Variants in HDGFL3 observed in about 807,000 individuals in gnomAD.
The protein encoded by HDGFL3 is HDGF like 3.
In HDGFL3, 6 loss-of-function variants were observed where a neutral mutation model predicts 27.6. The observed-to-expected ratio is 0.22, with a 90% CI of 0.12 to 0.43. The LOEUF is 0.43. Among genes scored for constraint, HDGFL3 ranks in the 20% least tolerant of loss-of-function variants. HDGFL3 has a pLI of 1.00. For missense variants in HDGFL3, 207 were observed against 250.1 expected (o/e 0.83, Z 1.16); for synonymous variants, 88 against 88.9 (o/e 0.99, Z 0.05).
chr15:83,112,940 T>C, exon 4 of HDGFL3: 1 of 1,462,846 alleles, frequency 6.8e-7, no homozygotes. Context: ...ATCTGATTAA[T>C]AACACAATAC....
At position 83,151,308 on chromosome 15, in the gene HDGFL3, G is replaced by A; in HGVS notation, c.513C>T (p.Cys171=). ...AGCTGCTTTTGTTTTCCTCTTCTTT[G>A]CAGTCTTTGTCATCTTCATCTCCTG... ...KSPGDEDDKD[C]KEEENKSSSE... is the part of the protein sequence containing the mutation. The change falls in exon 5 of 6, where the codon TGC becomes TGT. Residue 171 remains cysteine, a synonymous_variant. Coordinates refer to ENST00000299633, the MANE Select transcript of HDGFL3 (RefSeq NM_016073.4). The A allele has an allele frequency of 6.2e-7, 1 of 1,613,052 alleles. No individual in the cohort carries two copies. The highest frequency in any genetic ancestry group is 8.5e-7 in the Non-Finnish European group (1 of 1,179,408).
chr15:83,153,081 G>A (rs2036983498), intron 4 of HDGFL3, among the ~76,000 whole-genome samples: 1 of 145,540 alleles, frequency 6.9e-6, no homozygotes, highest in South Asian at 2.2e-4. Flanking sequence ...TGCAAGCTCC[G>A]CCTCCTGGGT....
intron 1 of HDGFL3, among the ~76,000 whole-genome samples, chr15:83,171,188 A>C (rs1006938525): frequency 6.5e-5 from 9 of 138,180 alleles, no homozygotes; most frequent in African/African-American, 1.0e-4. Flanking sequence ...TCCTACTGCT[A>C]TCCCTCCCCC....
chr15:83,198,231 G>T (rs935818325), intron 1 of HDGFL3, among the ~76,000 whole-genome samples: 1 of 151,978 alleles, frequency 6.6e-6, no homozygotes, highest in African/African-American at 2.4e-5. Context: ...TTTAATTTAT[G>T]TTCGTGTGAC....
Position 83,128,032 on chromosome 15 carries a change from C to T in HDGFL3, c.*11238G>A, listed in dbSNP as rs1180311473. 2 of 152,276 alleles carry T rather than the reference C, an allele frequency of 1.3e-5. No homozygotes were observed. Among genetic ancestry groups the T allele is most frequent in the Non-Finnish European group, 2.9e-5 (2 of 68,104 alleles). The allele number at this position is 152,276 out of a possible 1,614,324, so 9.4% of individuals were successfully genotyped here. A position where few individuals can be genotyped will look rare whatever the true frequency, so the allele number is the denominator to read the frequency against. On this transcript the variant is annotated 3_prime_UTR_variant, in exon 6 of 6. Coordinates refer to ENST00000299633, the MANE Select transcript of HDGFL3 (RefSeq NM_016073.4). ...TGAAAATGAAATTATCTATGGAGAA[C>T]TTCACACATAACATAAAGCACATTT...
At chr15:83,201,773 G>A (rs752508641) in intron 1 of HDGFL3, among the ~76,000 whole-genome samples, 50 of 152,130 alleles carry the variant, frequency 3.3e-4, no homozygotes, top group Non-Finnish European at 6.0e-4. Flanking sequence ...TGGTTGAAAC[G>A]GGAGCATCGG....
intron 1 of HDGFL3, among the ~76,000 whole-genome samples, chr15:83,200,380 G>C (rs1166108601): frequency 6.6e-6 from 1 of 151,584 alleles, no homozygotes; most frequent in African/African-American, 2.4e-5. Flanking sequence ...ATCACACTCA[G>C]AAATCAAGAT....
intron 1 of HDGFL3, among the ~76,000 whole-genome samples, chr15:83,195,835 TAAAAC>T (rs1022282352): frequency 9.9e-5 from 15 of 152,036 alleles, no homozygotes; most frequent in East Asian, 1.9e-4. Context: ...ACTTATATCT[TAAAAC>T]AAAACAGAAA....
intron 1 of HDGFL3, among the ~76,000 whole-genome samples, chr15:83,204,369 C>T (rs2037690250): frequency 6.6e-6 from 1 of 151,832 alleles, no homozygotes; most frequent in Non-Finnish European, 1.5e-5. Context: ...AAGTATTAAC[C>T]ACTAGGTTAA....
chr15:83,169,693 T>C (rs1377750232), intron 1 of HDGFL3, among the ~76,000 whole-genome samples: 1 of 151,394 alleles, frequency 6.6e-6, no homozygotes, highest in Non-Finnish European at 1.5e-5. Context: ...CCCAGCTACT[T>C]GGGAGGCTGA....
In HDGFL3 at chr15:83,136,472, A is replaced by AAT. The variant is rs2036618915; in HGVS notation, c.*2797_*2798insAT. The AAT allele has an allele frequency of 1.3e-6, 2 of 1,568,024 alleles. No homozygotes were observed. Among genetic ancestry groups the AAT allele is most frequent in the South Asian group, 2.4e-5 (2 of 83,220 alleles). ...TGCTTACTCAATTTTTTTTTTTTAAATGCAACAGGCTCAGTTTTCTCACAT... is the reference window on the plus strand; with the variant it reads ...TGCTTACTCAATTTTTTTTTTTTAAAATTGCAACAGGCTCAGTTTTCTCACAT... On this transcript the variant is annotated 3_prime_UTR_variant, in exon 6 of 6. Transcript: ENST00000299633.
chr15:83,167,759 G>A (rs2037190747), intron 1 of HDGFL3, among the ~76,000 whole-genome samples: 1 of 152,158 alleles, frequency 6.6e-6, no homozygotes, highest in African/African-American at 2.4e-5. Flanking sequence ...CAGCATGACA[G>A]CATTAGATAG....
At chr15:83,121,408 G>C (rs1007457010) in intron 3 of HDGFL3, among the ~76,000 whole-genome samples, 4 of 152,110 alleles carry the variant, frequency 2.6e-5, no homozygotes, top group African/African-American at 9.7e-5. Flanking sequence ...CAGCATTGAA[G>C]ATTTGGGGTA....
downstream of HDGFL3, chr15:83,127,548 T>A: frequency 6.4e-7 from 1 of 1,564,426 alleles, no homozygotes; most frequent in Non-Finnish European, 8.7e-7. Context: ...ATGAAAAACT[T>A]CTCTGCTCAG....
chr15:83,166,591 T>C (rs1172544480), intron 1 of HDGFL3, among the ~76,000 whole-genome samples: 5 of 152,160 alleles, frequency 3.3e-5, no homozygotes, highest in South Asian at 4.1e-4. Context: ...TGTTCCTACA[T>C]TGCTATAAAG....
chr15:83,151,075 G>A (rs2036958151), intron 5 of HDGFL3, 140 bp downstream of exon 5: 1 of 693,428 alleles, frequency 1.4e-6, no homozygotes, highest in African/African-American at 1.8e-5. Flanking sequence ...ATATTAAAGG[G>A]CTGAGTGGAT....
At position 83,200,745 on chromosome 15, in the gene HDGFL3, G is replaced by C. The variant is rs530229231; in HGVS notation, c.84+6586C>G. ...AAGATAGTAGTGGAATGAAGTACTT[G>C]TCTTTTAACCCCTGGTCTGATTCTC... On this transcript the variant is annotated intron_variant, in intron 1 of 5. Coordinates refer to ENST00000299633, the MANE Select transcript of HDGFL3 (RefSeq NM_016073.4). Among the ~76,000 whole-genome samples, 22 of 152,170 alleles carry C rather than the reference G, an allele frequency of 1.4e-4. 1 individual carries two copies. The South Asian group carries it at 4.6e-3, about 32-fold the overall frequency.
intron 2 of HDGFL3, among the ~76,000 whole-genome samples, chr15:83,160,450 G>T (rs1018711197): frequency 6.6e-6 from 1 of 151,890 alleles, no homozygotes; most frequent in Non-Finnish European, 1.5e-5. Context: ...CTCCCAAAGT[G>T]CTGGGATTAC....
rs763135888 is a variant in HDGFL3, at chr15:83,128,371, G to A, written c.*10899C>T. 3.3e-5 allele frequency: 5 copies of A among 152,140 alleles called. No homozygotes were observed. The highest frequency in any genetic ancestry group is 9.7e-5 in the African/African-American group (4 of 41,424). The allele number at this position is 152,140 out of a possible 1,614,324, so 9.4% of individuals were successfully genotyped here. On this transcript the variant is annotated 3_prime_UTR_variant, in exon 6 of 6. Transcript: ENST00000299633. ...ATTATAAAATTAGCATAGTAGTATC[G>A]AAAAAGTTGATGTAGCATCCAGAAG...
Sources: allele counts gnomAD v4.1 joint callset (sites outside exome capture counted in the v4.1 genomes callset), GRCh38; gene constraint gnomAD v4.1.1; transcripts MANE v1.5; gene names NCBI Gene and HGNC (gene_info 2026-07-23, HGNC 2026-07-21).